Variants in PDE12 observed in about 807,000 individuals in gnomAD.
PDE12 encodes the protein 2',5'-phosphodiesterase 12.
In PDE12, 26 loss-of-function variants were observed where a neutral mutation model predicts 45.4. The observed-to-expected ratio is 0.57, with a 90% CI of 0.42 to 0.79. The LOEUF is 0.79. Among genes scored for constraint, PDE12 ranks in the 30% least tolerant of loss-of-function variants. The probability of loss-of-function intolerance (pLI) is 0.00; values close to 1 mark genes in which losing one functional copy is unlikely to be tolerated. For missense variants in PDE12, 668 were observed against 790.0 expected, an observed-to-expected ratio of 0.85 and a Z score of 1.85; for synonymous variants, 283 against 323.9, an observed-to-expected ratio of 0.87 and a Z score of 1.36.
the PDE12 span, among the ~76,000 whole-genome samples, chr3:57,614,424 A>G: frequency 6.6e-6 from 1 of 152,126 alleles, no homozygotes; most frequent in Non-Finnish European, 1.5e-5. Context: ...GATATCTCCA[A>G]GTATTTGGAA....
the PDE12 span, among the ~76,000 whole-genome samples, chr3:57,605,060 A>C: frequency 1.1e-4 from 17 of 152,216 alleles, no homozygotes; most frequent in Admixed American, 1.1e-3. Context: ...TGGTTTTTGA[A>C]GACACTGGAT....
chr3:57,576,903 C>G, the PDE12 span, among the ~76,000 whole-genome samples: 1 of 152,056 alleles, frequency 6.6e-6, no homozygotes, highest in African/African-American at 2.4e-5. Context: ...GAAAATGGAA[C>G]CGATGACCTT....
chr3:57,608,951 C>G, the PDE12 span, among the ~76,000 whole-genome samples: 1 of 152,200 alleles, frequency 6.6e-6, no homozygotes, highest in African/African-American at 2.4e-5. Context: ...CTCAGCACAT[C>G]ACACTTATTC....
the PDE12 span, among the ~76,000 whole-genome samples, chr3:57,642,743 G>A: frequency 0.024 from 3,710 of 152,142 alleles, 73 homozygotes; most frequent in Non-Finnish European, 0.032. Context: ...GGTGGCTCAC[G>A]CCTGTAATCC....
At chr3:57,599,260 C>T in the PDE12 span, among the ~76,000 whole-genome samples, 1 of 152,144 alleles carries the variant, frequency 6.6e-6, no homozygotes, top group African/African-American at 2.4e-5. Context: ...TTAGCCTCTC[C>T]AAAGGAGGCA....
chr3:57,628,093 C>T, the PDE12 span: 13 of 1,416,490 alleles, frequency 9.2e-6, no homozygotes, highest in Non-Finnish European at 1.2e-5. Context: ...TACCCTGTAA[C>T]TAGCATTCAT....
downstream of PDE12, chr3:57,571,479 C>A (rs1255592589): frequency 1.3e-5 from 2 of 152,498 alleles, no homozygotes; most frequent in Non-Finnish European, 2.9e-5. Flanking sequence ...GCCCAATAAA[C>A]AAAACATCAG....
At chr3:57,639,751 G>A in the PDE12 span, among the ~76,000 whole-genome samples, 1 of 151,940 alleles carries the variant, frequency 6.6e-6, no homozygotes, top group Non-Finnish European at 1.5e-5. Context: ...ACACAGTTCT[G>A]ATTGCCAAGA....
At chr3:57,611,168 C>G in the PDE12 span, among the ~76,000 whole-genome samples, 1,967 of 152,232 alleles carry the variant, frequency 0.013, 49 homozygotes, top group African/African-American at 0.044. Context: ...GCTGGGAAAA[C>G]TGGCTAGCCA....
chr3:57,604,023 C>A, the PDE12 span, among the ~76,000 whole-genome samples: 1 of 151,348 alleles, frequency 6.6e-6, no homozygotes, highest in African/African-American at 2.4e-5. Flanking sequence ...CTCCCAAGTT[C>A]AAGCAGTTCT....
the PDE12 span, among the ~76,000 whole-genome samples, chr3:57,653,388 TG>T: frequency 6.6e-6 from 1 of 152,186 alleles, no homozygotes; most frequent in Non-Finnish European, 1.5e-5. Context: ...TTATCAAAGT[TG>T]TTTTTTTGGG....
chr3:57,606,565 T>C, the PDE12 span, among the ~76,000 whole-genome samples: 1 of 152,160 alleles, frequency 6.6e-6, no homozygotes, highest in Non-Finnish European at 1.5e-5. Flanking sequence ...TATAATAGTG[T>C]ATATGTAAAC....
chr3:57,626,803 A>C, the PDE12 span: 1 of 152,618 alleles, frequency 6.6e-6, no homozygotes, highest in Non-Finnish European at 1.5e-5. Flanking sequence ...ATTTTTGGCA[A>C]GGTAGTATTG....
chr3:57,631,346 G>A, the PDE12 span, among the ~76,000 whole-genome samples: 269 of 151,802 alleles, frequency 1.8e-3, no homozygotes, highest in African/African-American at 6.0e-3. Flanking sequence ...ACAGGCGTGC[G>A]CCACCACGCC....
chr3:57,579,034 C>T, the PDE12 span, among the ~76,000 whole-genome samples: 101 of 152,066 alleles, frequency 6.6e-4, 3 homozygotes, highest in South Asian at 0.021. Flanking sequence ...AGGTGGCTTT[C>T]GCCTGTAATC....
downstream of PDE12, among the ~76,000 whole-genome samples, chr3:57,568,179 T>C (rs1223432576): frequency 6.6e-6 from 1 of 151,816 alleles, no homozygotes. Context: ...TTAATTAAAT[T>C]TGGGCAAGGC....
the PDE12 span, among the ~76,000 whole-genome samples, chr3:57,623,081 A>G: frequency 1.8e-4 from 27 of 152,288 alleles, 2 homozygotes; most frequent in Admixed American, 1.6e-3. Context: ...AGCTTATTGT[A>G]TGTCTATTGT....
chr3:57,572,094 A>G, the PDE12 span: 1 of 731,142 alleles, frequency 1.4e-6, no homozygotes, highest in Non-Finnish European at 2.4e-6. Flanking sequence ...AATAAGTTTA[A>G]TATTCTGCCC....
the PDE12 span, among the ~76,000 whole-genome samples, chr3:57,640,019 C>A: frequency 6.6e-6 from 1 of 152,088 alleles, no homozygotes; most frequent in Non-Finnish European, 1.5e-5. Context: ...AGCCTGTAAT[C>A]CCAGCACTTT....
Sources: allele counts gnomAD v4.1 joint callset (sites outside exome capture counted in the v4.1 genomes callset), GRCh38; gene constraint gnomAD v4.1.1; transcripts MANE v1.5; gene names NCBI Gene and HGNC (gene_info 2026-07-23, HGNC 2026-07-21).